Variants in BACH1 observed in about 807,000 individuals in gnomAD.
The protein encoded by BACH1 is transcription regulator protein BACH1.
Under a neutral mutation model 52.9 loss-of-function variants are expected in BACH1, and 35 were observed. That is an observed-to-expected ratio of 0.66 (90% CI 0.51 to 0.88). The LOEUF (loss-of-function observed/expected upper bound fraction) is 0.88. BACH1 is among the 40% of genes least tolerant of loss of function. The probability of loss-of-function intolerance (pLI) is 0.00; values close to 1 mark genes in which losing one functional copy is unlikely to be tolerated. For synonymous variants in BACH1, 321 were observed against 319.6 expected (o/e 1.00, Z -0.05); for missense variants, 808 against 872.6 (o/e 0.93, Z 0.93).
At chr21:29,351,806 A>G in intron 2 of BACH1, 1 of 524,310 alleles carries the variant, frequency 1.9e-6, no homozygotes, top group South Asian at 1.4e-5. Flanking sequence ...CATAGCTGCT[A>G]AGATAAGGTA....
chr21:29,358,638 G>T (rs1259821116), intron 2 of BACH1, among the ~76,000 whole-genome samples: 2 of 152,040 alleles, frequency 1.3e-5, no homozygotes, highest in African/African-American at 4.8e-5. Flanking sequence ...TACTGGGGAG[G>T]CTGAGGCAGG....
intron 1 of BACH1, among the ~76,000 whole-genome samples, chr21:29,306,067 G>A (rs1299774669): frequency 6.6e-6 from 1 of 152,088 alleles, no homozygotes; most frequent in African/African-American, 2.4e-5. Flanking sequence ...GAATGCATAG[G>A]TTAGTGGAGG....
At chr21:29,355,857 A>G (rs968109038) in intron 2 of BACH1, among the ~76,000 whole-genome samples, 6 of 152,234 alleles carry the variant, frequency 3.9e-5, no homozygotes, top group Non-Finnish European at 8.8e-5. Context: ...GTCTGATTTC[A>G]GAAGCCTTTT....
At chr21:29,349,416 A>G (rs1453886455), downstream of BACH1, among the ~76,000 whole-genome samples, 1 of 152,194 alleles carries the variant, frequency 6.6e-6, no homozygotes, top group African/African-American at 2.4e-5. Flanking sequence ...TGGCATCTTG[A>G]GGCCACCTGC....
At chr21:29,330,430 T>G (rs972006274) in intron 4 of BACH1, among the ~76,000 whole-genome samples, 3 of 152,196 alleles carry the variant, frequency 2.0e-5, no homozygotes, top group Non-Finnish European at 4.4e-5. Flanking sequence ...TCTGCCTGTC[T>G]CGGCCTCCCA....
intron 2 of BACH1, chr21:29,351,691 G>C (rs202046847): frequency 1.9e-6 from 1 of 534,658 alleles, no homozygotes; most frequent in Middle Eastern, 3.2e-4. Flanking sequence ...GAGAACTCTG[G>C]ATACCTGCTC....
chr21:29,304,702 C>T (rs2088636707), intron 1 of BACH1, among the ~76,000 whole-genome samples: 1 of 152,074 alleles, frequency 6.6e-6, no homozygotes, highest in African/African-American at 2.4e-5. Context: ...GATTTGTCTG[C>T]CTCCAGGACC....
At chr21:29,313,393 A>C (rs996857000) in intron 1 of BACH1, among the ~76,000 whole-genome samples, 1 of 152,252 alleles carries the variant, frequency 6.6e-6, no homozygotes, top group African/African-American at 2.4e-5. Flanking sequence ...TAATTTCTAA[A>C]AAGTTAGGCA....
chr21:29,326,986 A>G lies in BACH1; in HGVS notation c.1162A>G (p.Ser388Gly), dbSNP rs375206931. The G allele has an allele frequency of 6.2e-6, 10 of 1,614,080 alleles. No homozygotes were observed. Among genetic ancestry groups the G allele is most frequent in the Non-Finnish European group, 8.5e-6 (10 of 1,180,038 alleles). The stretch of plus-strand genomic sequence containing the variant: ...TAGTGTTGCATCTAGTGATAGGAGT[A>G]GTGTGGAGCGAGAAGTGGCAGAACA... ...DSSVASSDRS[S>G]VEREVAEHLA... The change falls in exon 3 of 5, where the codon AGT (serine) becomes GGT (glycine). Residue 388 changes from serine to glycine, a missense_variant. Physicochemically the swap from Ser to Gly is moderately conservative, Grantham distance 56. Coordinates refer to ENST00000286800, the MANE Select transcript of BACH1 (RefSeq NM_001186.4).
chr21:29,356,485 C>T (rs1305510533), intron 2 of BACH1, among the ~76,000 whole-genome samples: 2 of 152,242 alleles, frequency 1.3e-5, no homozygotes, highest in East Asian at 3.8e-4. Context: ...ACTGCTTCTA[C>T]AAGAGTTTCC....
Position 29,343,511 on chromosome 21 carries a change from G to A in BACH1, c.*678G>A, listed in dbSNP as rs1601370113. The A allele has an allele frequency of 1.3e-5, 2 of 152,354 alleles. No homozygotes were observed. Among genetic ancestry groups the A allele is most frequent in the East Asian group, 3.9e-4 (2 of 5,182 alleles). The allele number at this position is 152,354 out of a possible 1,614,324, so 9.4% of individuals were successfully genotyped here. ...TGGACTCTAGAAAGTCTGGCTACATGAATAGATTTAAGTGTCACTTTCCCT... is the reference window on the plus strand; with the variant it reads ...TGGACTCTAGAAAGTCTGGCTACATAAATAGATTTAAGTGTCACTTTCCCT... On this transcript the variant is annotated 3_prime_UTR_variant, in exon 5 of 5. Coordinates refer to ENST00000286800, the MANE Select transcript of BACH1 (RefSeq NM_001186.4).
At chr21:29,342,308 T>G (rs2089122877) in intron 4 of BACH1, 91 bp from the exon 5 acceptor site, 2 of 1,260,774 alleles carry the variant, frequency 1.6e-6, no homozygotes, top group Non-Finnish European at 1.1e-6. Context: ...TCTTACTTGA[T>G]GAGAAGCCCC....
At chr21:29,349,025 C>T (rs543182858), downstream of BACH1, among the ~76,000 whole-genome samples, 3 of 151,170 alleles carry the variant, frequency 2.0e-5, no homozygotes, top group East Asian at 3.9e-4. Flanking sequence ...ACCCAGGAGG[C>T]GGAGCTTGCA....
At chr21:29,324,888 T>C (rs985152254) in intron 2 of BACH1, among the ~76,000 whole-genome samples, 1 of 152,220 alleles carries the variant, frequency 6.6e-6, no homozygotes, top group Non-Finnish European at 1.5e-5. Flanking sequence ...CTGCTTTTTA[T>C]TGGAGCCTTT....
At position 29,326,276 on chromosome 21, in the gene BACH1, A is replaced by G. The variant is rs143293433; in HGVS notation, c.452A>G (p.Gln151Arg). 4.5e-5 allele frequency: 73 copies of G among 1,614,076 alleles called. No homozygotes were observed. The highest frequency in any genetic ancestry group is 2.0e-4 in the Admixed American group (12 of 59,978). ...AAAAAATGCTTTTCATCACACTGTCAGAAAACAGACCTTAAACTTTCACTT... is the reference window on the plus strand; with the variant it reads ...AAAAAATGCTTTTCATCACACTGTCGGAAAACAGACCTTAAACTTTCACTT... ...PRKKCFSSHC[Q>R]KTDLKLSLLD... The change falls in exon 3 of 5, where the codon CAG becomes CGG. Residue 151 changes from glutamine to arginine, a missense_variant. Gln to Arg is a conservative substitution (Grantham distance 43). Transcript: ENST00000286800.
intron 1 of BACH1, among the ~76,000 whole-genome samples, chr21:29,312,062 T>G (rs1153286): frequency 3.3e-5 from 5 of 152,030 alleles, no homozygotes; most frequent in Non-Finnish European, 7.4e-5. Flanking sequence ...TCTGGAGAAG[T>G]CTTTATGTCC....
intron 3 of BACH1, among the ~76,000 whole-genome samples, chr21:29,328,724 G>A (rs539160289): frequency 2.3e-4 from 35 of 152,090 alleles, no homozygotes; most frequent in African/African-American, 8.4e-4. Flanking sequence ...CCTAGCCCCT[G>A]GCAACCACCA....
At chr21:29,337,589 A>G (rs181153180) in intron 4 of BACH1, among the ~76,000 whole-genome samples, 340 of 152,326 alleles carry the variant, frequency 2.2e-3, no homozygotes, top group Non-Finnish European at 2.5e-3. Context: ...ACATGAAATG[A>G]TGGATAATGA....
chr21:29,357,190 G>A (rs1166643003), intron 2 of BACH1, among the ~76,000 whole-genome samples: 1 of 152,200 alleles, frequency 6.6e-6, no homozygotes, highest in Non-Finnish European at 1.5e-5. Flanking sequence ...AGTGCCACTA[G>A]TTCTGCTAAC....
Sources: allele counts gnomAD v4.1 joint callset (sites outside exome capture counted in the v4.1 genomes callset), GRCh38; gene constraint gnomAD v4.1.1; transcripts MANE v1.5; gene names NCBI Gene and HGNC (gene_info 2026-07-23, HGNC 2026-07-21).